TNRC6A: variants seen among roughly 807,000 people sequenced by gnomAD.
TNRC6A encodes the protein trinucleotide repeat containing adaptor 6A, also known as trinucleotide repeat-containing gene 6A protein.
In TNRC6A, 44 loss-of-function variants were observed where a neutral mutation model predicts 221.2. The ratio of observed to expected loss-of-function variants is 0.20; its 90% confidence interval spans 0.16 to 0.26. The LOEUF (loss-of-function observed/expected upper bound fraction) is 0.26. Ranked by LOEUF, TNRC6A falls within the 10% of genes least tolerant of loss-of-function variation. TNRC6A has a pLI of 1.00. For missense variants in TNRC6A, 2,199 were observed against 2,404.4 expected (o/e 0.91, Z 1.79); for synonymous variants, 847 against 838.5 (o/e 1.01, Z -0.18).
Position 24,805,182 on chromosome 16 carries a change from T to C in TNRC6A, c.4122+31T>C, listed in dbSNP as rs547694263. 3.6e-5 allele frequency: 58 copies of C among 1,608,634 alleles called. No individual in the cohort carries two copies. In the South Asian group the frequency reaches 6.1e-4, roughly 17 times the overall value. ...TAAGCTTTCCTTACATTCTCCTGTT[T>C]ACCTGCAAAAAGGATCTTGCATGAT... On this transcript the variant is annotated intron_variant, in intron 14 of 24. Coordinates refer to ENST00000395799, the MANE Select transcript of TNRC6A (RefSeq NM_014494.4).
intron 2 of TNRC6A, among the ~76,000 whole-genome samples, chr16:24,650,143 A>G (rs1404514760): frequency 6.6e-6 from 1 of 152,046 alleles, no homozygotes; most frequent in Non-Finnish European, 1.5e-5. Flanking sequence ...TTAATTTACT[A>G]TTCTTGTCAT....
chr16:24,668,263 G>A (rs1012085627), intron 2 of TNRC6A, among the ~76,000 whole-genome samples: 1 of 151,930 alleles, frequency 6.6e-6, no homozygotes, highest in African/African-American at 2.4e-5. Context: ...AGGAGGTGGA[G>A]GTTGCGGTGA....
Position 24,790,959 on chromosome 16 carries a change from A to G in TNRC6A, c.2317A>G (p.Asn773Asp). Residue 773 changes from asparagine to aspartate, a missense_variant, in exon 6 of 25, where the codon AAT becomes GAT. Asn to Asp is a conservative substitution (Grantham distance 23). Coordinates refer to ENST00000395799, the MANE Select transcript of TNRC6A (RefSeq NM_014494.4). ...SGACIDKTSP[N>D]GNDTSSVSGW... is the part of the protein sequence containing the mutation. Reference sequence around the variant, plus strand: ...GGCATGTATAGATAAGACTAGCCCTAATGGTAATGATACCTCATCTGTATC... The same window carrying G: ...GGCATGTATAGATAAGACTAGCCCTGATGGTAATGATACCTCATCTGTATC... 1 of 1,610,928 alleles carries G rather than the reference A, an allele frequency of 6.2e-7. No individual in the cohort carries two copies. The highest frequency in any genetic ancestry group is 2.2e-5 in the East Asian group (1 of 44,878).
chr16:24,706,991 A>T (rs764953553), intron 2 of TNRC6A, among the ~76,000 whole-genome samples: 2 of 102,408 alleles, frequency 2.0e-5, no homozygotes, highest in African/African-American at 2.9e-5. Context: ...TTATTTATGT[A>T]TTTATTTATT....
intron 1 of TNRC6A, among the ~76,000 whole-genome samples, chr16:24,616,342 AAAGAAGAAG>A (rs575298794): frequency 1.4e-5 from 2 of 144,858 alleles, no homozygotes; most frequent in Admixed American, 7.0e-5. Flanking sequence ...AAAAAAAAAA[AAAGAAGAAG>A]AAGAAGAAGA....
chr16:24,777,721 T>C (rs891658373), intron 5 of TNRC6A, among the ~76,000 whole-genome samples: 1 of 152,162 alleles, frequency 6.6e-6, no homozygotes, highest in Non-Finnish European at 1.5e-5. Flanking sequence ...TGAGACTGAG[T>C]TCTTACCTCC....
Position 24,820,191 on chromosome 16 carries a change from C to T in TNRC6A, c.5133C>T (p.Thr1711=), listed in dbSNP as rs765222745. Residue 1711 remains threonine (T), a synonymous_variant, in exon 22 of 25, where the codon ACC becomes ACT. Coordinates refer to ENST00000395799, the MANE Select transcript of TNRC6A (RefSeq NM_014494.4). ...GGTCTCCTGGTTCAGTTACAAACAC[C>T]TCTCTGGCTCATGAGCTGTGGAAGG... The part of the protein sequence containing the change: ...LTWSPGSVTN[T]SLAHELWKVP... 6.2e-7 allele frequency: 1 copy of T among 1,614,148 alleles called. No homozygotes were observed. The highest frequency in any genetic ancestry group is 8.5e-7 in the Non-Finnish European group (1 of 1,180,044).
chr16:24,626,046 C>G (rs1284738124), intron 1 of TNRC6A, among the ~76,000 whole-genome samples: 1 of 152,142 alleles, frequency 6.6e-6, no homozygotes, highest in Non-Finnish European at 1.5e-5. Flanking sequence ...TCAGGGGTTA[C>G]ATGTGCAGGT....
In TNRC6A at chr16:24,795,935, A is replaced by G. The variant is rs2058210269; in HGVS notation, c.3557A>G (p.Glu1186Gly). Residue 1186 changes from glutamate (E) to glycine (G), a missense_variant, in exon 9 of 25, where the codon GAA becomes GGA. Physicochemically the swap from Glu to Gly is moderately conservative, Grantham distance 98. Coordinates refer to ENST00000395799, the MANE Select transcript of TNRC6A (RefSeq NM_014494.4). ...CTGAGTGGCAAAAAAAGGAGAAGGG[A>G]AAGGGTGTGTAGCCTTTTTACTCTT... The part of the protein sequence containing the change: ...KGLSGKKRRR[E>G]RGMMKGGNKQ... The G allele has an allele frequency of 6.2e-7, 1 of 1,611,270 alleles. No individual in the cohort carries two copies. Among genetic ancestry groups the G allele is most frequent in the African/African-American group, 1.3e-5 (1 of 74,936 alleles).
intron 2 of TNRC6A, among the ~76,000 whole-genome samples, chr16:24,734,110 G>C (rs2056708190): frequency 6.6e-6 from 1 of 152,166 alleles, no homozygotes; most frequent in African/African-American, 2.4e-5. Context: ...AGCAGTTTGA[G>C]GCTTCAGTGA....
chr16:24,821,958 C>T, intron 22 of TNRC6A, 119 bp from the exon 23 acceptor site: 1 of 935,798 alleles, frequency 1.1e-6, no homozygotes, highest in Non-Finnish European at 1.7e-6. Context: ...GGGAGAAAGC[C>T]TCCCATGTAG....
At chr16:24,717,862 C>A (rs1031762495) in intron 2 of TNRC6A, among the ~76,000 whole-genome samples, 1 of 149,862 alleles carries the variant, frequency 6.7e-6, no homozygotes, top group South Asian at 2.1e-4. Context: ...ACCTCTGCCA[C>A]CTGGGTTCAA....
At chr16:24,681,487 C>T (rs1264978254) in intron 2 of TNRC6A, among the ~76,000 whole-genome samples, 2 of 152,248 alleles carry the variant, frequency 1.3e-5, no homozygotes, top group African/African-American at 4.8e-5. Flanking sequence ...CTCAGCCTCC[C>T]AGAATGCTAG....
chr16:24,702,470 G>T (rs1201897788), intron 2 of TNRC6A, among the ~76,000 whole-genome samples: 1 of 152,118 alleles, frequency 6.6e-6, no homozygotes, highest in East Asian at 1.9e-4. Context: ...GAGCCACCAT[G>T]CCTGGCTCTA....
At chr16:24,694,523 C>T (rs184238133) in intron 2 of TNRC6A, among the ~76,000 whole-genome samples, 1 of 151,788 alleles carries the variant, frequency 6.6e-6, no homozygotes, top group African/African-American at 2.4e-5. Flanking sequence ...GGTGTGGCAG[C>T]TTGTGCCTGT....
intron 2 of TNRC6A, among the ~76,000 whole-genome samples, chr16:24,712,496 C>T (rs536965353): frequency 7.2e-5 from 11 of 152,180 alleles, no homozygotes; most frequent in South Asian, 4.1e-4. Flanking sequence ...ATGTTGTAAA[C>T]GCCTCAGTAC....
At chr16:24,659,402 G>A (rs1366545661) in intron 2 of TNRC6A, among the ~76,000 whole-genome samples, 1 of 151,838 alleles carries the variant, frequency 6.6e-6, no homozygotes, top group African/African-American at 2.4e-5. Flanking sequence ...CTCTCTCCTC[G>A]TGCCCTCAAA....
intron 1 of TNRC6A, among the ~76,000 whole-genome samples, chr16:24,637,164 C>T (rs940080933): frequency 1.3e-5 from 2 of 152,176 alleles, no homozygotes; most frequent in Non-Finnish European, 2.9e-5. Flanking sequence ...TCCCTAGTAG[C>T]TGGGACTTCA....
intron 2 of TNRC6A, among the ~76,000 whole-genome samples, chr16:24,713,449 C>CAAAA (rs1054244436): frequency 6.4e-5 from 5 of 77,818 alleles, no homozygotes; most frequent in Non-Finnish European, 1.3e-4. Context: ...AACAAACAAA[C>CAAAA]AAAAAAATAT....
Sources: allele counts gnomAD v4.1 joint callset (sites outside exome capture counted in the v4.1 genomes callset), GRCh38; gene constraint gnomAD v4.1.1; transcripts MANE v1.5; gene names NCBI Gene and HGNC (gene_info 2026-07-23, HGNC 2026-07-21).